COL28A1: variants seen among roughly 807,000 people sequenced by gnomAD.
COL28A1 encodes the protein collagen type XXVIII alpha 1 chain.
COL28A1 carries 161 observed loss-of-function variants against 150.2 expected under a neutral mutation model. The ratio of observed to expected loss-of-function variants is 1.07; its 90% CI spans 0.94 to 1.22. The LOEUF (loss-of-function observed/expected upper bound fraction) is 1.22. Ranked by LOEUF, COL28A1 falls within the 50% of genes most tolerant of loss-of-function variation. The pLI, the probability that COL28A1 is intolerant of heterozygous loss-of-function variation, is 0.00. For missense variants in COL28A1, 1,617 were observed against 1,388.3 expected (o/e 1.16, Z -2.62); for synonymous variants, 552 against 469.7 (o/e 1.18, Z -2.26).
downstream of COL28A1, among the ~76,000 whole-genome samples, chr7:7,355,298 G>A (rs1416354895): frequency 6.6e-6 from 1 of 152,018 alleles, no homozygotes; most frequent in Non-Finnish European, 1.5e-5. Context: ...ACATGGTAAG[G>A]TGTCACCAGA....
At chr7:7,493,185 C>G (rs1273703299) in intron 11 of COL28A1, among the ~76,000 whole-genome samples, 1 of 151,062 alleles carries the variant, frequency 6.6e-6, no homozygotes, top group East Asian at 1.9e-4. Context: ...ATTTTTTATC[C>G]CTTCTATATG....
chr7:7,488,934 T>C (rs1177110824), intron 13 of COL28A1, among the ~76,000 whole-genome samples: 1 of 152,202 alleles, frequency 6.6e-6, no homozygotes, highest in Non-Finnish European at 1.5e-5. Context: ...CATATATACA[T>C]AGTTCTATTT....
Position 7,419,926 on chromosome 7 carries a change from C to T in COL28A1, c.2026G>A (p.Gly676Ser), listed in dbSNP as rs748840348. Residue 676 changes from glycine to serine, a missense_variant, in exon 26 of 35, where the codon GGT (glycine) becomes AGT (serine). Transcript: ENST00000399429. ...CCTACGCCCCGAGGCCCAGAAGGAC[C>T]TGGAGGGCCTCTGACCCCAGGCTCT... is the stretch of plus-strand genomic sequence containing the variant. The part of the protein sequence containing the change: ...KGEPGVRGPP[G>S]PSGPRGVGTQ... 6.2e-7 allele frequency: 1 copy of T among 1,602,640 alleles called. No individual in the cohort carries two copies. The highest frequency in any genetic ancestry group is 2.3e-5 in the East Asian group (1 of 44,376).
chr7:7,422,258 C>A (rs1784417601), intron 25 of COL28A1, among the ~76,000 whole-genome samples: 1 of 152,182 alleles, frequency 6.6e-6, no homozygotes, highest in African/African-American at 2.4e-5. Flanking sequence ...GTCACCCCAA[C>A]CCACCCCAGA....
At chr7:7,398,785 A>T (rs575390328) in intron 27 of COL28A1, among the ~76,000 whole-genome samples, 71 of 152,296 alleles carry the variant, frequency 4.7e-4, no homozygotes, top group African/African-American at 1.7e-3. Context: ...TCTGCTAGAG[A>T]CAAGGATGTC....
At chr7:7,429,875 C>T (rs557705325) in intron 25 of COL28A1, among the ~76,000 whole-genome samples, 2 of 152,234 alleles carry the variant, frequency 1.3e-5, no homozygotes, top group Non-Finnish European at 2.9e-5. Context: ...CAGCCTTCCG[C>T]GTGGGCTCAC....
chr7:7,509,642 T>C (rs1019393015), intron 9 of COL28A1, among the ~76,000 whole-genome samples: 2 of 151,772 alleles, frequency 1.3e-5, no homozygotes, highest in African/African-American at 2.4e-5. Context: ...GTGGGTTTTT[T>C]TTGTTGTTGT....
intron 27 of COL28A1, among the ~76,000 whole-genome samples, chr7:7,382,662 A>G (rs1375935107): frequency 6.6e-6 from 1 of 152,180 alleles, no homozygotes; most frequent in Non-Finnish European, 1.5e-5. Context: ...AGTCTCTGGC[A>G]AAGGCTTGAA....
At chr7:7,442,396 T>C (rs1047454675) in intron 20 of COL28A1, among the ~76,000 whole-genome samples, 1 of 152,202 alleles carries the variant, frequency 6.6e-6, no homozygotes, top group Non-Finnish European at 1.5e-5. Context: ...CAAGCGCCTA[T>C]TTTCCAAAAA....
intron 27 of COL28A1, among the ~76,000 whole-genome samples, chr7:7,386,921 G>C (rs1782219755): frequency 6.6e-6 from 1 of 152,208 alleles, no homozygotes; most frequent in Non-Finnish European, 1.5e-5. Context: ...GGCAAATTCA[G>C]TGTCTGGTGA....
At chr7:7,344,782 A>T in the COL28A1 span, among the ~76,000 whole-genome samples, 16,342 of 152,134 alleles carry the variant, frequency 0.11, 954 homozygotes, top group Middle Eastern at 0.16. Flanking sequence ...AAATGTCAAC[A>T]GCAACAAGGC....
rs199729587 is a variant in COL28A1, at chr7:7,487,575, T to TA, written c.1164+1813dup. Among the ~76,000 whole-genome samples the TA allele has an allele frequency of 6.4e-3, 976 of 152,094 alleles. 7 individuals carry two copies. Among genetic ancestry groups the TA allele is most frequent in the East Asian group, 0.022 (113 of 5,172 alleles). On this transcript the variant is annotated intron_variant, in intron 13 of 34. Transcript: ENST00000399429. ...CCTGGGCGACAGAGCAAGACTCTCT[T>TA]AAAAAAAATTAATTATGACTTATTT...
chr7:7,410,093 G>C (rs1411374274), intron 27 of COL28A1, among the ~76,000 whole-genome samples: 15 of 152,096 alleles, frequency 9.9e-5, no homozygotes, highest in Admixed American at 9.2e-4. Context: ...CTTGGTCCAG[G>C]AGGAAAATGA....
chr7:7,478,144 A>T (rs1013732586), intron 13 of COL28A1, among the ~76,000 whole-genome samples: 1 of 151,650 alleles, frequency 6.6e-6, no homozygotes, highest in Non-Finnish European at 1.5e-5. Flanking sequence ...CACCACATTA[A>T]CTAGATACAG....
rs1780445243 is a variant in COL28A1 at position 7,358,432 on chromosome 7, A to G, written c.*201T>C. 2.1e-6 allele frequency: 1 copy of G among 470,052 alleles called. No homozygotes were observed. Among genetic ancestry groups the G allele is most frequent in the Non-Finnish European group, 3.7e-6 (1 of 272,386 alleles). 29.1% of individuals were successfully genotyped at this position (470,052 alleles called of 1,614,324 possible). On this transcript the variant is annotated 3_prime_UTR_variant, in exon 35 of 35. Coordinates refer to ENST00000399429, the MANE Select transcript of COL28A1 (RefSeq NM_001037763.3). ...GTTGGGTGACAGTTGACAAGTTACT[A>G]AACTTCTCAGAGCCTCAGCTTTCTT...
chr7:7,403,760 G>T (rs1783348316), intron 27 of COL28A1, among the ~76,000 whole-genome samples: 1 of 152,206 alleles, frequency 6.6e-6, no homozygotes, highest in East Asian at 1.9e-4. Context: ...TGCTACATAT[G>T]CTACAGTCCA....
At chr7:7,512,644 A>G (rs1399223730) in intron 8 of COL28A1, among the ~76,000 whole-genome samples, 1 of 152,236 alleles carries the variant, frequency 6.6e-6, no homozygotes, top group African/African-American at 2.4e-5. Context: ...AAAAATGACT[A>G]AAGTTTCATA....
rs941279889 is a variant in COL28A1 at position 7,422,295 on chromosome 7, C to T, written c.1999-2342G>A. ...TTGGTGGCTTCCTCTCATTCATTTC[C>T]GTTCACCTGTGCCCTTCCAAGATGA... On this transcript the variant is annotated intron_variant, in intron 25 of 34. Coordinates refer to ENST00000399429, the MANE Select transcript of COL28A1 (RefSeq NM_001037763.3). 3.3e-5 allele frequency among the ~76,000 whole-genome samples: 5 copies of T among 152,232 alleles called. No homozygotes were observed. In the South Asian group the frequency reaches 1.0e-3, roughly 32 times the overall value.
intron 3 of COL28A1, among the ~76,000 whole-genome samples, chr7:7,526,321 C>T (rs559387481): frequency 2.4e-5 from 3 of 126,938 alleles, no homozygotes; most frequent in Admixed American, 7.7e-5. Flanking sequence ...AAATACTACT[C>T]GGCAGTTAAA....
Sources: allele counts gnomAD v4.1 joint callset (sites outside exome capture counted in the v4.1 genomes callset), GRCh38; gene constraint gnomAD v4.1.1; transcripts MANE v1.5; gene names NCBI Gene and HGNC (gene_info 2026-07-23, HGNC 2026-07-21).